ARHGAP15: variants seen among roughly 807,000 people sequenced by gnomAD.
ARHGAP15 encodes the protein Rho GTPase activating protein 15.
A neutral mutation model predicts 63.7 loss-of-function variants in ARHGAP15; 51 were observed. The observed-to-expected ratio is 0.80, with a 90% CI of 0.64 to 1.01. The LOEUF (loss-of-function observed/expected upper bound fraction) is 1.01, where lower values mean the gene tolerates loss of function less well. Ranked by LOEUF, ARHGAP15 falls within the 50% of genes least tolerant of loss-of-function variation. ARHGAP15 has a pLI of 0.00. For missense variants in ARHGAP15, 560 were observed against 564.6 expected, an observed-to-expected ratio of 0.99 and a Z score of 0.08; for synonymous variants, 191 against 193.8, an observed-to-expected ratio of 0.99 and a Z score of 0.12.
chr2:143,380,032 AG>A (rs1686996328), intron 6 of ARHGAP15, among the ~76,000 whole-genome samples: 1 of 152,086 alleles, frequency 6.6e-6, no homozygotes, highest in Admixed American at 6.6e-5. Flanking sequence ...TGATGAAGGA[AG>A]GGATAAAAAG....
At chr2:143,403,331 G>A (rs1228910298) in intron 6 of ARHGAP15, among the ~76,000 whole-genome samples, 2 of 151,676 alleles carry the variant, frequency 1.3e-5, no homozygotes, top group Admixed American at 1.3e-4. Flanking sequence ...TTAAAGCTCT[G>A]AGGATTTATT....
intron 2 of ARHGAP15, among the ~76,000 whole-genome samples, chr2:143,185,382 T>C (rs1691400140): frequency 2.0e-5 from 3 of 152,212 alleles, no homozygotes; most frequent in African/African-American, 4.8e-5. Flanking sequence ...CTTGTATTTT[T>C]CTTTGCTTCA....
At chr2:143,569,843 G>T (rs1696381443) in intron 11 of ARHGAP15, among the ~76,000 whole-genome samples, 1 of 152,182 alleles carries the variant, frequency 6.6e-6, no homozygotes, top group East Asian at 1.9e-4. Flanking sequence ...TGGCTGATTT[G>T]TATGAGGGAA....
chr2:143,289,385 T>A (rs1682275714), intron 6 of ARHGAP15, among the ~76,000 whole-genome samples: 1 of 152,182 alleles, frequency 6.6e-6, no homozygotes, highest in Non-Finnish European at 1.5e-5. Context: ...ATTGTACAAA[T>A]CAAAATCCAT....
intron 6 of ARHGAP15, among the ~76,000 whole-genome samples, chr2:143,363,908 G>A (rs1686174548): frequency 6.6e-6 from 1 of 152,106 alleles, no homozygotes; most frequent in Non-Finnish European, 1.5e-5. Flanking sequence ...GCAATTGCAT[G>A]GGAAATCAAG....
At chr2:143,132,700 A>G (rs1397847646) in intron 1 of ARHGAP15, among the ~76,000 whole-genome samples, 1 of 152,238 alleles carries the variant, frequency 6.6e-6, no homozygotes, top group Non-Finnish European at 1.5e-5. Context: ...CTCCTGATGT[A>G]GAAATTAAAA....
chr2:143,143,631 T>C lies in ARHGAP15; in HGVS notation c.-14-11846T>C, dbSNP rs903356024. 1.0e-4 allele frequency among the ~76,000 whole-genome samples: 15 copies of C among 150,684 alleles called. No homozygotes were observed. In the Admixed American group the frequency reaches 1.0e-3, roughly 10 times the overall value. Reference sequence around the variant, plus strand: ...ACCTCAGGGCTAAATCATCCACCGCTGGAACAAGAAATAGAAAACCATCAA... The same window carrying C: ...ACCTCAGGGCTAAATCATCCACCGCCGGAACAAGAAATAGAAAACCATCAA... On this transcript the variant is annotated intron_variant, in intron 1 of 13. Coordinates refer to ENST00000295095, the MANE Select transcript of ARHGAP15 (RefSeq NM_018460.4).
intron 6 of ARHGAP15, among the ~76,000 whole-genome samples, chr2:143,265,565 A>T (rs770028097): frequency 5.3e-5 from 8 of 152,168 alleles, no homozygotes; most frequent in Non-Finnish European, 1.2e-4. Flanking sequence ...TAGAAAAAAT[A>T]TGAAGTCTGT....
chr2:143,530,413 C>A (rs1277130263), intron 10 of ARHGAP15, among the ~76,000 whole-genome samples: 3 of 152,072 alleles, frequency 2.0e-5, no homozygotes. Flanking sequence ...AGGGAGAAAC[C>A]AGTCTCTCAA....
chr2:143,680,833 A>G (rs1017601687), intron 12 of ARHGAP15, among the ~76,000 whole-genome samples: 2 of 152,256 alleles, frequency 1.3e-5, no homozygotes, highest in Non-Finnish European at 2.9e-5. Flanking sequence ...GAGTAATATT[A>G]TCAATAAAAA....
chr2:143,696,877 T>TA (rs1176376824), intron 12 of ARHGAP15, among the ~76,000 whole-genome samples: 6 of 152,228 alleles, frequency 3.9e-5, no homozygotes, highest in African/African-American at 9.6e-5. Context: ...CTGCTTGGTC[T>TA]TTCCTGCAAG....
intron 6 of ARHGAP15, among the ~76,000 whole-genome samples, chr2:143,252,434 T>C (rs1227184607): frequency 6.6e-6 from 1 of 152,064 alleles, no homozygotes; most frequent in Non-Finnish European, 1.5e-5. Context: ...AAAACTATTC[T>C]CACTTTTGGT....
intron 13 of ARHGAP15, among the ~76,000 whole-genome samples, chr2:143,720,638 A>G (rs1045897765): frequency 1.1e-4 from 16 of 152,162 alleles, no homozygotes; most frequent in African/African-American, 3.6e-4. Flanking sequence ...GTGGTGGACA[A>G]TAGGAACTGT....
chr2:143,513,489 A>G (rs1286788607), intron 9 of ARHGAP15, among the ~76,000 whole-genome samples: 1 of 152,136 alleles, frequency 6.6e-6, no homozygotes, highest in Non-Finnish European at 1.5e-5. Flanking sequence ...TTCTTAAAAT[A>G]GGAGTCTATT....
At chr2:143,469,170 C>G (rs895236197) in intron 8 of ARHGAP15, among the ~76,000 whole-genome samples, 1 of 152,030 alleles carries the variant, frequency 6.6e-6, no homozygotes, top group African/African-American at 2.4e-5. Context: ...ACCCAGGACC[C>G]CTGAGAACCT....
chr2:143,453,157 G>A (rs920382606), intron 8 of ARHGAP15, among the ~76,000 whole-genome samples: 1 of 151,902 alleles, frequency 6.6e-6, no homozygotes, highest in Non-Finnish European at 1.5e-5. Flanking sequence ...TTAAGTGACT[G>A]AGGCACTGAA....
chr2:143,291,385 TCTCC>T (rs200697303), intron 6 of ARHGAP15, among the ~76,000 whole-genome samples: 90 of 151,894 alleles, frequency 5.9e-4, no homozygotes, highest in East Asian at 2.7e-3. Flanking sequence ...ACACAGTTTC[TCTCC>T]CTCCCTCCCT....
At chr2:143,456,636 A>G (rs1174478677) in intron 8 of ARHGAP15, among the ~76,000 whole-genome samples, 4 of 152,070 alleles carry the variant, frequency 2.6e-5, no homozygotes, top group African/African-American at 9.7e-5. Context: ...TATGTTAATA[A>G]TTTTATATTC....
chr2:143,495,859 T>C (rs1692792297), intron 9 of ARHGAP15, among the ~76,000 whole-genome samples: 1 of 152,238 alleles, frequency 6.6e-6, no homozygotes. Flanking sequence ...TGCCACTTTA[T>C]CAGTGTTAGT....
Sources: allele counts gnomAD v4.1 joint callset (sites outside exome capture counted in the v4.1 genomes callset), GRCh38; gene constraint gnomAD v4.1.1; transcripts MANE v1.5; gene names NCBI Gene and HGNC (gene_info 2026-07-23, HGNC 2026-07-21).